Variants in MTA3 observed in about 807,000 individuals in gnomAD.
The protein encoded by MTA3 is metastasis-associated protein MTA3.
Under a neutral mutation model 83.5 loss-of-function variants are expected in MTA3, and 34 were observed. The observed-to-expected ratio is 0.41, with a 90% CI of 0.31 to 0.54. MTA3 has a LOEUF of 0.54. MTA3 is among the 20% of genes least tolerant of loss of function. The pLI, the probability that MTA3 is intolerant of heterozygous loss-of-function variation, is 0.33. For missense variants in MTA3, 761 were observed against 726.4 expected (o/e 1.05, Z -0.55); for synonymous variants, 303 against 252.7 (o/e 1.20, Z -1.89).
At chr2:42,686,762 G>A (rs1692404237) in intron 9 of MTA3, among the ~76,000 whole-genome samples, 1 of 152,042 alleles carries the variant, frequency 6.6e-6, no homozygotes, top group African/African-American at 2.4e-5. Context: ...AGGAAGTGAA[G>A]GTTGCAGTGA....
intron 8 of MTA3, among the ~76,000 whole-genome samples, chr2:42,667,590 G>GTGTGTT (rs2104396189): frequency 7.6e-6 from 1 of 130,722 alleles, no homozygotes; most frequent in East Asian, 2.1e-4. Context: ...GTGTGTGTGT[G>GTGTGTT]TGTGTGTGTG....
chr2:42,674,903 TTTTC>T (rs924582804), intron 8 of MTA3, among the ~76,000 whole-genome samples: 17 of 151,286 alleles, frequency 1.1e-4, no homozygotes, highest in South Asian at 4.2e-4. Context: ...CCTGGCCTAG[TTTTC>T]TTTCTTTCTT....
intron 3 of MTA3, among the ~76,000 whole-genome samples, chr2:42,593,482 A>G (rs1681293383): frequency 6.6e-6 from 1 of 152,224 alleles, no homozygotes; most frequent in Non-Finnish European, 1.5e-5. Flanking sequence ...AGGTTTGTTT[A>G]TACCAGTATC....
intron 3 of MTA3, among the ~76,000 whole-genome samples, chr2:42,607,237 A>G (rs1683581862): frequency 6.6e-6 from 1 of 152,190 alleles, no homozygotes; most frequent in African/African-American, 2.4e-5. Context: ...CAGTGAAATC[A>G]GTTAACTGTA....
intron 4 of MTA3, among the ~76,000 whole-genome samples, chr2:42,632,150 T>G (rs1321318727): frequency 2.9e-5 from 4 of 138,066 alleles, no homozygotes; most frequent in Non-Finnish European, 6.1e-5. Flanking sequence ...AGTGCAGTGG[T>G]ATAGTCTCGG....
rs187824056 is a variant in MTA3 at position 42,666,721 on chromosome 2, C to G, written c.702+6859C>G. 2.4e-3 allele frequency among the ~76,000 whole-genome samples: 363 copies of G among 152,284 alleles called. 4 individuals are homozygous for G. In the Middle Eastern group the frequency reaches 0.037, roughly 16 times the overall value. On this transcript the variant is annotated intron_variant, in intron 8 of 16. Coordinates refer to ENST00000405094, the MANE Select transcript of MTA3 (RefSeq NM_001330442.2). ...CTCCTTCCCATTCCCTGCATACCAGCTTGTTATATCCCTTAGTGTAGTTAC... is the reference window on the plus strand; with the variant it reads ...CTCCTTCCCATTCCCTGCATACCAGGTTGTTATATCCCTTAGTGTAGTTAC...
intron 8 of MTA3, among the ~76,000 whole-genome samples, chr2:42,674,086 A>G (rs1433898019): frequency 6.6e-6 from 1 of 152,360 alleles, no homozygotes; most frequent in East Asian, 1.9e-4. Flanking sequence ...GATCTGCTCC[A>G]TGTATTTCTC....
At chr2:42,649,368 G>A (rs569230076) in intron 6 of MTA3, among the ~76,000 whole-genome samples, 3 of 151,614 alleles carry the variant, frequency 2.0e-5, no homozygotes, top group South Asian at 2.1e-4. Context: ...AGCCAAGATC[G>A]TACCACTGCA....
At chr2:42,626,654 C>A (rs975778367) in intron 4 of MTA3, among the ~76,000 whole-genome samples, 1 of 152,118 alleles carries the variant, frequency 6.6e-6, no homozygotes, top group Non-Finnish European at 1.5e-5. Context: ...GTTGACTTTT[C>A]TAAGTCTTAC....
chr2:42,507,856 G>A (rs906982322), intron 2 of MTA3, among the ~76,000 whole-genome samples: 8 of 151,614 alleles, frequency 5.3e-5, no homozygotes, highest in African/African-American at 1.9e-4. Flanking sequence ...GCTTGAGCCC[G>A]GGAGGCAGAG....
chr2:42,726,252 T>A (rs1207032539), intron 16 of MTA3, among the ~76,000 whole-genome samples: 2 of 152,132 alleles, frequency 1.3e-5, no homozygotes, highest in Non-Finnish European at 2.9e-5. Flanking sequence ...CCGGGGCTGC[T>A]GAGATGTTTA....
intron 6 of MTA3, among the ~76,000 whole-genome samples, chr2:42,655,329 A>G (rs990750629): frequency 1.3e-5 from 2 of 152,184 alleles, no homozygotes; most frequent in Non-Finnish European, 2.9e-5. Context: ...TCCAGACATT[A>G]TGAGCTACTT....
At chr2:42,662,950 C>G (rs1459674238) in intron 8 of MTA3, among the ~76,000 whole-genome samples, 1 of 150,270 alleles carries the variant, frequency 6.7e-6, no homozygotes, top group South Asian at 2.1e-4. Flanking sequence ...AGGCTGGTCT[C>G]GAATTCCTGA....
At chr2:42,523,840 C>T (rs946965997) in intron 2 of MTA3, among the ~76,000 whole-genome samples, 1 of 152,068 alleles carries the variant, frequency 6.6e-6, no homozygotes, top group South Asian at 2.1e-4. Flanking sequence ...ATCACTTGAG[C>T]CGGGAAGTCA....
intron 2 of MTA3, among the ~76,000 whole-genome samples, chr2:42,558,865 T>TA (rs1203521402): frequency 1.3e-5 from 2 of 151,882 alleles, no homozygotes. Context: ...TTTTTTTTTT[T>TA]AACTAAAACC....
chr2:42,550,420 C>G (rs1677058200), intron 2 of MTA3, among the ~76,000 whole-genome samples: 1 of 152,158 alleles, frequency 6.6e-6, no homozygotes, highest in Non-Finnish European at 1.5e-5. Context: ...GGTGGGATTA[C>G]TGTACAATAC....
At chr2:42,599,546 C>T (rs1413619635) in intron 3 of MTA3, among the ~76,000 whole-genome samples, 3 of 151,710 alleles carry the variant, frequency 2.0e-5, no homozygotes, top group East Asian at 3.9e-4. Context: ...GCCGAGATTG[C>T]GCCACTGCAC....
chr2:42,704,714 C>A (rs1183884770), intron 12 of MTA3, among the ~76,000 whole-genome samples: 1 of 152,144 alleles, frequency 6.6e-6, no homozygotes, highest in Non-Finnish European at 1.5e-5. Context: ...GTAGGAAAGG[C>A]CTCTGTGTGG....
chr2:42,525,456 TC>T (rs1019711373), intron 2 of MTA3, among the ~76,000 whole-genome samples: 3 of 151,498 alleles, frequency 2.0e-5, no homozygotes, highest in Non-Finnish European at 4.4e-5. Flanking sequence ...CGTCTCAGCC[TC>T]CCAAAGTGCT....
Sources: gnomAD v4.1 joint callset for allele counts (sites outside exome capture counted in the v4.1 genomes callset) on GRCh38, gnomAD v4.1.1 for gene constraint, MANE v1.5 for transcripts, NCBI Gene and HGNC (gene_info 2026-07-23, HGNC 2026-07-21) for gene names.